Variants in BRIP1 observed in about 807,000 individuals in gnomAD.
The protein encoded by BRIP1 is Fanconi anemia group J protein.
BRIP1 carries 88 observed loss-of-function variants against 119.7 expected under a neutral mutation model. That is an observed-to-expected ratio of 0.74 (90% CI 0.62 to 0.88). The LOEUF (loss-of-function observed/expected upper bound fraction) is 0.88, where lower values mean the gene tolerates loss of function less well. Among genes scored for constraint, BRIP1 ranks in the 40% least tolerant of loss-of-function variants. The pLI, the probability that BRIP1 is intolerant of heterozygous loss-of-function variation, is 0.00. For synonymous variants in BRIP1, 443 were observed against 496.5 expected, an observed-to-expected ratio of 0.89 and a Z score of 1.43; for missense variants, 1,259 against 1,455.4, an observed-to-expected ratio of 0.87 and a Z score of 2.20.
intron 16 of BRIP1, among the ~76,000 whole-genome samples, chr17:61,719,129 AT>A (rs1217419515): frequency 2.0e-5 from 3 of 151,870 alleles, no homozygotes; most frequent in Non-Finnish European, 4.4e-5. Flanking sequence ...AAATAAAGAT[AT>A]GTGGAGTTAC....
At chr17:61,847,726 G>A in intron 5 of BRIP1, among the ~76,000 whole-genome samples, 1 of 152,208 alleles carries the variant, frequency 6.6e-6, no homozygotes, top group South Asian at 2.1e-4. Flanking sequence ...AGTTGCCTTT[G>A]ATTAAATTTC....
intron 8 of BRIP1, 91 bp downstream of exon 8, chr17:61,801,161 CA>C (rs11390869): frequency 9.7e-6 from 11 of 1,131,176 alleles, no homozygotes; most frequent in Admixed American, 1.8e-5. Context: ...TAAATTAAAG[CA>C]AAAAAAATTA....
At chr17:61,821,073 AT>A (rs2078315729) in intron 6 of BRIP1, among the ~76,000 whole-genome samples, 3 of 152,112 alleles carry the variant, frequency 2.0e-5, no homozygotes, top group Admixed American at 6.5e-5. Context: ...AGAGGTTTCC[AT>A]TGGTTATTTT....
rs1030031420 is a variant in BRIP1 at position 61,831,963 on chromosome 17, T to C, written c.627+15138A>G. On this transcript the variant is annotated intron_variant, in intron 6 of 19. Transcript: ENST00000259008. This position sits in a 1 kb window ranked among gnomAD's most constrained non-coding sequence, Gnocchi z 4.1. ...ATATAGACATAAATGTATATGTCTA[T>C]GAGTCTGGGTTTGTGTACACAATAC... Among the ~76,000 whole-genome samples the C allele has an allele frequency of 6.6e-6, 1 of 152,218 alleles. No homozygotes were observed. The highest frequency in any genetic ancestry group is 2.4e-5 in the African/African-American group (1 of 41,458).
rs139387660 is a variant in BRIP1 at position 61,708,743 on chromosome 17, T to A, written c.2492+7208A>T. ...AAACACTGATTGGCAGCTCTGAATGTATGGGTAGAGCTTATAGGCTGGGAA... is the reference window on the plus strand; with the variant it reads ...AAACACTGATTGGCAGCTCTGAATGAATGGGTAGAGCTTATAGGCTGGGAA... On this transcript the variant is annotated intron_variant, in intron 17 of 19. Transcript: ENST00000259008. The surrounding 1 kb of genome is among the most constrained non-coding windows in gnomAD (Gnocchi z 4.4). Among the ~76,000 whole-genome samples, 4 of 152,296 alleles carry A rather than the reference T, an allele frequency of 2.6e-5. No homozygotes were observed. The East Asian group carries it at 7.7e-4, about 29-fold the overall frequency.
chr17:61,793,507 G>C lies in BRIP1; in HGVS notation c.1473+90C>G, dbSNP rs2145236178. On this transcript the variant is annotated intron_variant, in intron 10 of 19. Transcript: ENST00000259008. This position sits in a 1 kb window ranked among gnomAD's most constrained non-coding sequence, Gnocchi z 5.2. ...TAAATTGCTATATTTAACAATTCTG[G>C]GTTACTCACTAGATTTAATCTGGAT... 1.6e-6 allele frequency: 2 copies of C among 1,235,996 alleles called. No individual in the cohort carries two copies. Among genetic ancestry groups the C allele is most frequent in the South Asian group, 1.4e-5 (1 of 72,064 alleles). The allele number at this position is 1,235,996 out of a possible 1,614,324, so 76.6% of individuals were successfully genotyped here.
In BRIP1 at chr17:61,793,545, A is replaced by G; in HGVS notation, c.1473+52T>C. On this transcript the variant is annotated intron_variant, in intron 10 of 19. Coordinates refer to ENST00000259008, the MANE Select transcript of BRIP1 (RefSeq NM_032043.3). This position sits in a 1 kb window ranked among gnomAD's most constrained non-coding sequence, Gnocchi z 5.2. ...ATTTAATCTGGATTTAGTCACGACT[A>G]AATCACTTCTAATTCACTAAATACG... 3 of 1,543,932 alleles carry G rather than the reference A, an allele frequency of 1.9e-6. No individual in the cohort carries two copies. Among genetic ancestry groups the G allele is most frequent in the Non-Finnish European group, 2.7e-6 (3 of 1,129,912 alleles).
chr17:61,826,052 G>T (rs1265837598), intron 6 of BRIP1, among the ~76,000 whole-genome samples: 1 of 152,134 alleles, frequency 6.6e-6, no homozygotes, highest in Non-Finnish European at 1.5e-5. Context: ...TACAAAAACA[G>T]ATACATAGAC....
intron 6 of BRIP1, among the ~76,000 whole-genome samples, chr17:61,818,314 C>G (rs2078269142): frequency 6.6e-6 from 1 of 152,160 alleles, no homozygotes; most frequent in African/African-American, 2.4e-5. Context: ...CCTACTTACT[C>G]TGAAATCATC....
rs1237952082 is a variant in BRIP1, at chr17:61,803,634, C to T, written c.919-2160G>A. On this transcript the variant is annotated intron_variant, in intron 7 of 19. Coordinates refer to ENST00000259008, the MANE Select transcript of BRIP1 (RefSeq NM_032043.3). The surrounding 1 kb of genome is among the most constrained non-coding windows in gnomAD (Gnocchi z 4.3). ...TGAGATCCTGTCTCAAAAAAAAATA[C>T]TCATTATGTGCATTAATAAAAAAAT... Among the ~76,000 whole-genome samples, 2 of 151,940 alleles carry T rather than the reference C, an allele frequency of 1.3e-5. No individual in the cohort carries two copies. The highest frequency in any genetic ancestry group is 1.9e-4 in the East Asian group (1 of 5,186).
At chr17:61,707,254 A>G (rs1375501704) in intron 17 of BRIP1, among the ~76,000 whole-genome samples, 3 of 152,086 alleles carry the variant, frequency 2.0e-5, no homozygotes, top group Non-Finnish European at 4.4e-5. Context: ...GCTTTTCAGA[A>G]GTCTGTTATG....
chr17:61,683,961 T>C lies in BRIP1; in HGVS notation c.3085A>G (p.Ser1029Gly), dbSNP rs2061320391. Residue 1029 changes from serine to glycine, a missense_variant, in exon 20 of 20, where the codon AGT becomes GGT. Ser to Gly is a moderately conservative substitution (Grantham distance 56, BLOSUM62 0). Coordinates refer to ENST00000259008, the MANE Select transcript of BRIP1 (RefSeq NM_032043.3). The surrounding 1 kb of genome is among the most constrained non-coding windows in gnomAD (Gnocchi z 4.7). ...ATPELGSSEN[S>G]ASSPPRFKTE... is the part of the protein sequence containing the mutation. ...TTGAAACGGGGAGGACTAGAGGCAC[T>C]ATTCTCTGATGACCCGAGCTCAGGT... 6.2e-7 allele frequency: 1 copy of C among 1,614,222 alleles called. No individual in the cohort carries two copies. The highest frequency in any genetic ancestry group is 8.5e-7 in the Non-Finnish European group (1 of 1,180,036).
At chr17:61,685,663 G>A in intron 19 of BRIP1, 173 bp downstream of exon 19, 1 of 639,168 alleles carries the variant, frequency 1.6e-6, no homozygotes, top group Non-Finnish European at 2.6e-6. Flanking sequence ...CTGGTCTCCT[G>A]ACAAAAGTTT....
intron 6 of BRIP1, among the ~76,000 whole-genome samples, chr17:61,826,939 A>C (rs2145585439): frequency 6.6e-6 from 1 of 152,322 alleles, no homozygotes; most frequent in African/African-American, 2.4e-5. Flanking sequence ...CCAAAGAAAT[A>C]TAAATTGTTC....
rs900851114 is a variant in BRIP1, at chr17:61,851,032, A to G, written c.380-1776T>C. Reference sequence around the variant, plus strand: ...CACCTGAGGCCAGGAGTTTGAGACCAGCCTGGCCAACGTGACGAAAGCCCA... The same window carrying G: ...CACCTGAGGCCAGGAGTTTGAGACCGGCCTGGCCAACGTGACGAAAGCCCA... On this transcript the variant is annotated intron_variant, in intron 4 of 19. Transcript: ENST00000259008. The surrounding 1 kb of genome is among the most constrained non-coding windows in gnomAD (Gnocchi z 4.6). 6.6e-6 allele frequency among the ~76,000 whole-genome samples: 1 copy of G among 151,992 alleles called. No individual in the cohort carries two copies. The highest frequency in any genetic ancestry group is 2.4e-5 in the African/African-American group (1 of 41,390).
chr17:61,758,710 C>A lies in BRIP1; in HGVS notation c.2098-14119G>T, dbSNP rs150160736. On this transcript the variant is annotated intron_variant, in intron 14 of 19. Transcript: ENST00000259008. The surrounding 1 kb of genome is among the most constrained non-coding windows in gnomAD (Gnocchi z 5.3). ...AAAATAATTCACAATGCTGGGTGGG[C>A]GTGGTCACTCATGCCTGTAATTCCA... Among the ~76,000 whole-genome samples, 1 of 152,052 alleles carries A rather than the reference C, an allele frequency of 6.6e-6. No homozygotes were observed. The highest frequency in any genetic ancestry group is 1.9e-4 in the East Asian group (1 of 5,176).
At position 61,689,333 on chromosome 17, in the gene BRIP1, C is replaced by G. The variant is rs961146956; in HGVS notation, c.2576-3168G>C. Among the ~76,000 whole-genome samples, 1 of 151,520 alleles carries G rather than the reference C, an allele frequency of 6.6e-6. No homozygotes were observed. The highest frequency in any genetic ancestry group is 1.5e-5 in the Non-Finnish European group (1 of 67,934). ...TGCTAAGAATCAGGAAATTTGAAGG[C>G]AAGTCGTTTGAAATCATCCAGTCAG... is the stretch of plus-strand genomic sequence containing the variant. On this transcript the variant is annotated intron_variant, in intron 18 of 19. Coordinates refer to ENST00000259008, the MANE Select transcript of BRIP1 (RefSeq NM_032043.3). This position sits in a 1 kb window ranked among gnomAD's most constrained non-coding sequence, Gnocchi z 4.5.
chr17:61,793,836 G>T lies in BRIP1; in HGVS notation c.1341-107C>A. On this transcript the variant is annotated intron_variant, in intron 9 of 19. Transcript: ENST00000259008. This position sits in a 1 kb window ranked among gnomAD's most constrained non-coding sequence, Gnocchi z 5.2. ...TGTCATGCGTTGATCTGTATATCTTGACATTCTTAGGACATGAATGTGGAT... is the reference window on the plus strand; with the variant it reads ...TGTCATGCGTTGATCTGTATATCTTTACATTCTTAGGACATGAATGTGGAT... The T allele has an allele frequency of 2.6e-6, 3 of 1,171,290 alleles. No individual in the cohort carries two copies. Among genetic ancestry groups the T allele is most frequent in the African/African-American group, 1.5e-5 (1 of 64,564 alleles). The allele number at this position is 1,171,290 out of a possible 1,614,324, so 72.6% of individuals were successfully genotyped here. A position where few individuals can be genotyped will look rare whatever the true frequency, so the allele number is the denominator to read the frequency against.
rs2078722638 is a variant in BRIP1, at chr17:61,846,007, C to G, written c.627+1094G>C. Among the ~76,000 whole-genome samples the G allele has an allele frequency of 6.6e-6, 1 of 151,650 alleles. No individual in the cohort carries two copies. Among genetic ancestry groups the G allele is most frequent in the Admixed American group, 6.6e-5 (1 of 15,222 alleles). ...ACCATCCTGGCTAACGTGGTGAAAC[C>G]CCGTCTCTACTAAAAATACAAAAAA... On this transcript the variant is annotated intron_variant, in intron 6 of 19. Transcript: ENST00000259008. This position sits in a 1 kb window ranked among gnomAD's most constrained non-coding sequence, Gnocchi z 4.3.
Sources: gnomAD v4.1 joint callset for allele counts (sites outside exome capture counted in the v4.1 genomes callset) on GRCh38, gnomAD v4.1.1 for gene constraint, Gnocchi (gnomAD v3.1) non-coding constraint, MANE v1.5 for transcripts, NCBI Gene and HGNC (gene_info 2026-07-23, HGNC 2026-07-21) for gene names.